The following PDE12 variants were observed in gnomAD, a reference collection of about 807,000 sequenced individuals.
PDE12 encodes the protein phosphodiesterase 12.
In PDE12, 26 loss-of-function variants were observed where a neutral mutation model predicts 45.4. The ratio of observed to expected loss-of-function variants is 0.57; its 90% CI spans 0.42 to 0.79. PDE12 has a LOEUF of 0.79. PDE12 is among the 30% of genes least tolerant of loss of function. The pLI, the probability that PDE12 is intolerant of heterozygous loss-of-function variation, is 0.00. For missense variants in PDE12, 668 were observed against 790.0 expected (o/e 0.85, Z 1.85); for synonymous variants, 283 against 323.9 (o/e 0.87, Z 1.36).
chr3:57,590,133 A>AAATAAATC, the PDE12 span, among the ~76,000 whole-genome samples: 2 of 139,608 alleles, frequency 1.4e-5, no homozygotes, highest in African/African-American at 2.6e-5. Context: ...ATAAATAAAT[A>AAATAAATC]AAACAAAAAA....
Position 57,557,272 on chromosome 3 carries a change from T to C in PDE12, c.893T>C (p.Val298Ala). 6.2e-7 allele frequency: 1 copy of C among 1,613,878 alleles called. No homozygotes were observed. The highest frequency in any genetic ancestry group is 8.5e-7 in the Non-Finnish European group (1 of 1,180,006). The change falls in exon 1 of 3, where the codon GTC becomes GCC. Residue 298 changes from valine (V) to alanine (A), a missense_variant. By Grantham distance (64) the Val-to-Ala change is moderately conservative (BLOSUM62 0). This residue lies in a region of PDE12 where 580 missense variants were observed against 662.9 expected (regional missense o/e 0.87). Coordinates refer to ENST00000311180, the MANE Select transcript of PDE12 (RefSeq NM_177966.7). Reference protein sequence around the residue: ...KVTEDALIRTVSYNILADTYA... With the variant: ...KVTEDALIRTASYNILADTYA... ...ACTGAGGACGCTCTCATCCGCACTG[T>C]CTCTTACAACATCCTGGCAGACACG...
At chr3:57,573,642 G>A in the PDE12 span, among the ~76,000 whole-genome samples, 26,227 of 152,164 alleles carry the variant, frequency 0.17, 2,557 homozygotes, top group African/African-American at 0.23. Flanking sequence ...GTGCAGTGGC[G>A]TGATCTCGGC....
chr3:57,579,020 G>A, the PDE12 span, among the ~76,000 whole-genome samples: 5 of 152,022 alleles, frequency 3.3e-5, no homozygotes, highest in African/African-American at 1.2e-4. Context: ...AACGAGGCTG[G>A]TTGAGGTGGC....
chr3:57,610,722 G>A, the PDE12 span, among the ~76,000 whole-genome samples: 113,554 of 151,972 alleles, frequency 0.75, 44,557 homozygotes, highest in East Asian at 1. Flanking sequence ...ACCACTGCTC[G>A]AGGAAATAAA....
downstream of PDE12, among the ~76,000 whole-genome samples, chr3:57,567,306 C>T (rs939632410): frequency 3.4e-5 from 5 of 148,338 alleles, no homozygotes; most frequent in Non-Finnish European, 7.4e-5. Flanking sequence ...AGCACGACTC[C>T]GTGTCAAAAA....
chr3:57,623,438 G>A, the PDE12 span, among the ~76,000 whole-genome samples: 4 of 152,176 alleles, frequency 2.6e-5, no homozygotes, highest in Admixed American at 2.6e-4. Context: ...CAGCACTTTG[G>A]GAGGCTGAGG....
At chr3:57,632,225 C>G in the PDE12 span, among the ~76,000 whole-genome samples, 1 of 150,856 alleles carries the variant, frequency 6.6e-6, no homozygotes, top group African/African-American at 2.4e-5. Flanking sequence ...GGGGTTTCAC[C>G]GTGTTAGCCA....
the PDE12 span, among the ~76,000 whole-genome samples, chr3:57,578,303 C>T: frequency 6.6e-6 from 1 of 151,608 alleles, no homozygotes; most frequent in South Asian, 2.1e-4. Context: ...TCCTGTAATC[C>T]CAGCACTATG....
the PDE12 span, among the ~76,000 whole-genome samples, chr3:57,583,460 A>C: frequency 6.6e-6 from 1 of 152,206 alleles, no homozygotes; most frequent in Admixed American, 6.5e-5. Flanking sequence ...GTGGCAATAT[A>C]AAAATATCTT....
At chr3:57,582,709 G>A in the PDE12 span, among the ~76,000 whole-genome samples, 2 of 145,678 alleles carry the variant, frequency 1.4e-5, no homozygotes, top group African/African-American at 4.9e-5. Flanking sequence ...GACATTGCAA[G>A]TCTTAAAAAT....
chr3:57,557,223 C>CGGCA lies in PDE12; in HGVS notation c.845_848dup (p.His283GlnfsTer10). The CGGCA allele has an allele frequency of 6.2e-7, 1 of 1,608,042 alleles. No homozygotes were observed. The highest frequency in any genetic ancestry group is 1.4e-5 in the African/African-American group (1 of 72,960). On this transcript the variant is annotated frameshift_variant, in exon 1 of 3. Coordinates refer to ENST00000311180, the MANE Select transcript of PDE12 (RefSeq NM_177966.7). LOFTEE classifies it high-confidence loss of function. ...GCCTGGCACCTGCACTTTTGACCAC[C>CGGCA]GGCATCTCTACACGAAGAAGGTGAC...
At chr3:57,596,088 G>A in the PDE12 span, among the ~76,000 whole-genome samples, 2 of 152,324 alleles carry the variant, frequency 1.3e-5, no homozygotes, top group East Asian at 3.9e-4. Flanking sequence ...CTGTGATGTA[G>A]ACTGCTTACA....
the PDE12 span, among the ~76,000 whole-genome samples, chr3:57,653,677 C>T: frequency 7.0e-6 from 1 of 143,808 alleles, no homozygotes; most frequent in Non-Finnish European, 1.5e-5. Flanking sequence ...ACCCAGGAGG[C>T]GGAGGTTGCA....
At chr3:57,589,056 C>G in the PDE12 span, among the ~76,000 whole-genome samples, 1 of 151,172 alleles carries the variant, frequency 6.6e-6, no homozygotes, top group East Asian at 2.0e-4. Flanking sequence ...GAGCTGAGAT[C>G]GCGCCATTAC....
the PDE12 span, among the ~76,000 whole-genome samples, chr3:57,594,884 T>C: frequency 6.6e-6 from 1 of 152,302 alleles, no homozygotes; most frequent in Non-Finnish European, 1.5e-5. Flanking sequence ...CCAAACCACC[T>C]TTTTCCCTGT....
the PDE12 span, among the ~76,000 whole-genome samples, chr3:57,609,672 A>G: frequency 6.6e-6 from 1 of 152,190 alleles, no homozygotes; most frequent in African/African-American, 2.4e-5. Context: ...CACCCTCCCA[A>G]GACTAAACCA....
At chr3:57,619,348 AAAAAC>A in the PDE12 span, 562 of 153,576 alleles carry the variant, frequency 3.7e-3, 1 homozygote, top group East Asian at 0.019. Flanking sequence ...ACTCCATCTC[AAAAAC>A]AAAACAAAAC....
the PDE12 span, among the ~76,000 whole-genome samples, chr3:57,614,403 A>T: frequency 2.0e-5 from 3 of 152,244 alleles, no homozygotes; most frequent in Admixed American, 1.3e-4. Flanking sequence ...TAGAAAAAAA[A>T]TTTTGAAGGG....
chr3:57,624,493 T>A, the PDE12 span, among the ~76,000 whole-genome samples: 1 of 151,916 alleles, frequency 6.6e-6, no homozygotes, highest in Non-Finnish European at 1.5e-5. Flanking sequence ...GGGTCTCAGG[T>A]GCAGTGGCTC....
Sources: gnomAD v4.1 joint callset for allele counts (sites outside exome capture counted in the v4.1 genomes callset) on GRCh38, gnomAD v4.1.1 for gene constraint, gnomAD v4.1.1 regional missense constraint, MANE v1.5 for transcripts, NCBI Gene and HGNC (gene_info 2026-07-23, HGNC 2026-07-21) for gene names.